Variants in EDA observed in about 807,000 individuals in gnomAD.
EDA encodes the protein ectodysplasin-A.
Under a neutral mutation model 23.6 loss-of-function variants are expected in EDA, and 2 were observed. The ratio of observed to expected loss-of-function variants is 0.08; its 90% CI spans 0.03 to 0.27. EDA has a LOEUF of 0.27. Ranked by LOEUF, EDA falls within the 10% of genes least tolerant of loss-of-function variation. The pLI is 1.00. For synonymous variants in EDA, 131 were observed against 132.0 expected (o/e 0.99, Z 0.05); for missense variants, 229 against 324.2 (o/e 0.71, Z 2.26).
chrX:69,788,004 T>G (rs2015256640), intron 1 of EDA, among the ~76,000 whole-genome samples: 1 of 111,545 alleles, frequency 9.0e-6, no homozygotes, highest in South Asian at 3.8e-4. Flanking sequence ...TTTATTCTTT[T>G]TTCTCTATAC....
intron 1 of EDA, among the ~76,000 whole-genome samples, chrX:69,869,087 G>A (rs965067996): frequency 8.9e-6 from 1 of 111,740 alleles, no homozygotes; most frequent in Non-Finnish European, 1.9e-5. Flanking sequence ...CTAGGTAGAG[G>A]CAGCTCTAAT....
Position 69,816,877 on chromosome X carries a change from A to G in EDA, c.397-140150A>G, listed in dbSNP as rs181911006. Among the ~76,000 whole-genome samples the G allele has an allele frequency of 2.7e-5, 3 of 110,985 alleles. No individual in the cohort carries two copies. In the East Asian group the frequency reaches 8.5e-4, roughly 31 times the overall value. ...GCTGAGAACCCCAGGAAAATACCCCACGAGAAGATTGACCCCAAGACACGA... is the reference window on the plus strand; with the variant it reads ...GCTGAGAACCCCAGGAAAATACCCCGCGAGAAGATTGACCCCAAGACACGA... On this transcript the variant is annotated intron_variant, in intron 1 of 7. Coordinates refer to ENST00000374552, the MANE Select transcript of EDA (RefSeq NM_001399.5).
chrX:69,698,634 G>A (rs746024438), intron 1 of EDA, among the ~76,000 whole-genome samples: 40 of 111,518 alleles, frequency 3.6e-4, no homozygotes, highest in African/African-American at 1.1e-3. Flanking sequence ...TTGGTGTTGC[G>A]CAGAGTCTCA....
chrX:69,987,299 AATTTTT>A (rs2019511793), intron 2 of EDA, among the ~76,000 whole-genome samples: 1 of 93,287 alleles, frequency 1.1e-5, no homozygotes, highest in African/African-American at 3.8e-5. Flanking sequence ...TAAAAAAAAA[AATTTTT>A]TTTTTTAAAA....
intron 1 of EDA, among the ~76,000 whole-genome samples, chrX:69,655,143 C>A (rs1267962432): frequency 8.9e-6 from 1 of 111,810 alleles, no homozygotes; most frequent in Non-Finnish European, 1.9e-5. Context: ...CGCCTGGAAT[C>A]CCAGCACTTT....
chrX:69,810,363 C>T (rs1434218448), intron 1 of EDA, among the ~76,000 whole-genome samples: 1 of 101,934 alleles, frequency 9.8e-6, no homozygotes, highest in Non-Finnish European at 2.0e-5. Flanking sequence ...AGTCCTCTCT[C>T]CCTGCTCATA....
intron 1 of EDA, among the ~76,000 whole-genome samples, chrX:69,749,391 A>G (rs1415001674): frequency 1.1e-5 from 1 of 92,579 alleles, no homozygotes. Flanking sequence ...TAATGCCGCA[A>G]TAAACATACG....
chrX:69,904,187 A>G (rs182639812), intron 1 of EDA, among the ~76,000 whole-genome samples: 1 of 111,869 alleles, frequency 8.9e-6, no homozygotes, highest in Admixed American at 9.5e-5. Flanking sequence ...CATCTCAAGC[A>G]TTTATCTTTT....
At chrX:69,811,608 C>T (rs1335883908) in intron 1 of EDA, among the ~76,000 whole-genome samples, 1 of 111,580 alleles carries the variant, frequency 9.0e-6, no homozygotes, top group Non-Finnish European at 1.9e-5. Context: ...CTCACGGTGC[C>T]AATTTTCTTG....
At chrX:69,835,094 G>A (rs2016737640) in intron 1 of EDA, among the ~76,000 whole-genome samples, 1 of 77,391 alleles carries the variant, frequency 1.3e-5, no homozygotes, top group Admixed American at 1.3e-4. Context: ...CTGTTAGTCT[G>A]ATGGACTTCC....
chrX:69,678,563 T>A (rs752466374), intron 1 of EDA, among the ~76,000 whole-genome samples: 109 of 110,740 alleles, frequency 9.8e-4, no homozygotes, highest in African/African-American at 3.5e-3. Context: ...GATTCCTAGG[T>A]ATTTTATTCT....
intron 1 of EDA, among the ~76,000 whole-genome samples, chrX:69,744,897 C>A (rs2013570207): frequency 9.0e-6 from 1 of 111,669 alleles, no homozygotes; most frequent in Non-Finnish European, 1.9e-5. Context: ...GCAGTCGCTC[C>A]CCAGGTCTGC....
At chrX:69,786,927 A>T (rs749298068) in intron 1 of EDA, among the ~76,000 whole-genome samples, 1,483 of 102,209 alleles carry the variant, frequency 0.015, 23 homozygotes, top group African/African-American at 0.046. Context: ...TGGGAGTCTA[A>T]GTCTCTTTGT....
At chrX:69,906,669 T>C (rs771389587) in intron 1 of EDA, among the ~76,000 whole-genome samples, 7 of 111,250 alleles carry the variant, frequency 6.3e-5, no homozygotes, top group African/African-American at 9.8e-5. Context: ...GGTGGTGCTG[T>C]CTGTATTCTC....
chrX:69,827,115 C>G (rs1344194064), intron 1 of EDA, among the ~76,000 whole-genome samples: 8 of 111,733 alleles, frequency 7.2e-5, no homozygotes, highest in Non-Finnish European at 1.5e-4. Context: ...CGACCTTTCT[C>G]TCTGGCTGCC....
intron 1 of EDA, among the ~76,000 whole-genome samples, chrX:69,812,537 A>G (rs2015985663): frequency 8.9e-6 from 1 of 112,067 alleles, no homozygotes; most frequent in Non-Finnish European, 1.9e-5. Flanking sequence ...ACTTTGAATG[A>G]GGTGTTGAGG....
intron 1 of EDA, among the ~76,000 whole-genome samples, chrX:69,892,870 A>G (rs1445242745): frequency 9.0e-6 from 1 of 111,129 alleles, no homozygotes; most frequent in Non-Finnish European, 1.9e-5. Context: ...ACTTACAGTT[A>G]TGTTTCACGT....
At chrX:69,781,862 A>G (rs1409256808) in intron 1 of EDA, among the ~76,000 whole-genome samples, 1 of 111,291 alleles carries the variant, frequency 9.0e-6, no homozygotes, top group Non-Finnish European at 1.9e-5. Context: ...ATACTAGAAA[A>G]GGTAGGTATA....
At chrX:69,683,455 T>C (rs781358157) in intron 1 of EDA, among the ~76,000 whole-genome samples, 3 of 111,975 alleles carry the variant, frequency 2.7e-5, no homozygotes, top group South Asian at 3.8e-4. Context: ...CAAGGCTTAT[T>C]ATGAATGCCA....
Sources: allele counts gnomAD v4.1 joint callset (sites outside exome capture counted in the v4.1 genomes callset), GRCh38; gene constraint gnomAD v4.1.1; transcripts MANE v1.5; gene names NCBI Gene and HGNC (gene_info 2026-07-23, HGNC 2026-07-21).